SLC35F1: variants seen among roughly 807,000 people sequenced by gnomAD.
The protein encoded by SLC35F1 is chromosome 6 open reading frame 169.
In SLC35F1, 14 loss-of-function variants were observed where a neutral mutation model predicts 48.7. The observed-to-expected ratio is 0.29, with a 90% CI of 0.19 to 0.45. The LOEUF (loss-of-function observed/expected upper bound fraction) is 0.45, where lower values mean the gene tolerates loss of function less well. Ranked by LOEUF, SLC35F1 falls within the 20% of genes least tolerant of loss-of-function variation. SLC35F1 has a pLI of 1.00. For missense variants in SLC35F1, 404 were observed against 500.0 expected (o/e 0.81, Z 1.83); for synonymous variants, 190 against 202.2 (o/e 0.94, Z 0.51).
intron 1 of SLC35F1, among the ~76,000 whole-genome samples, chr6:118,120,953 ACT>A (rs967337716): frequency 6.6e-5 from 10 of 151,954 alleles, no homozygotes; most frequent in African/African-American, 2.4e-4. Context: ...TGTCCTTTAA[ACT>A]CTCTTTTTAG....
chr6:118,311,139 C>T (rs1776367237), intron 7 of SLC35F1, among the ~76,000 whole-genome samples: 1 of 152,206 alleles, frequency 6.6e-6, no homozygotes, highest in African/African-American at 2.4e-5. Context: ...TTCATTGTCT[C>T]TTCCAATTCA....
chr6:118,179,033 G>A (rs1373916881), intron 2 of SLC35F1, among the ~76,000 whole-genome samples: 2 of 152,092 alleles, frequency 1.3e-5, no homozygotes, highest in Non-Finnish European at 2.9e-5. Flanking sequence ...TTTCCCCTGA[G>A]TTAAATCTAT....
chr6:118,194,107 GAAGATCCAATAGTTGTT>G (rs139749642), intron 2 of SLC35F1, among the ~76,000 whole-genome samples: 4,147 of 152,146 alleles, frequency 0.027, 69 homozygotes, highest in Middle Eastern at 0.037. Flanking sequence ...ACAGACAGAA[GAAGATCCAATAGTTGTT>G]AAGATTTTTC....
intron 2 of SLC35F1, among the ~76,000 whole-genome samples, chr6:118,226,485 T>TACACACACACAC (rs1233953929): frequency 1.3e-3 from 198 of 150,854 alleles, no homozygotes; most frequent in African/African-American, 4.0e-3. Flanking sequence ...GATGAATGGA[T>TACACACACACAC]ACACACACAC....
At chr6:118,272,727 A>ATT (rs1379034825) in intron 4 of SLC35F1, among the ~76,000 whole-genome samples, 1 of 97,598 alleles carries the variant, frequency 1.0e-5, no homozygotes, top group African/African-American at 4.0e-5. Flanking sequence ...TAAAAAATAT[A>ATT]TATGTGTGTG....
chr6:118,235,983 G>A (rs559427807), intron 3 of SLC35F1, among the ~76,000 whole-genome samples: 18 of 152,044 alleles, frequency 1.2e-4, no homozygotes, highest in Admixed American at 2.6e-4. Flanking sequence ...TCTTATGTTA[G>A]CAGGAGAATT....
intron 1 of SLC35F1, among the ~76,000 whole-genome samples, chr6:117,930,797 G>T (rs891318554): frequency 1.3e-5 from 2 of 152,142 alleles, no homozygotes; most frequent in African/African-American, 2.4e-5. Flanking sequence ...TTCTGTTGCA[G>T]TGGGCACTTA....
rs1280744500 is a variant in SLC35F1, at chr6:117,907,674, C to T, written c.-53C>T. ...CGCGTTCCCGGGCCCGGAACCGGCACACGATGCACCCGGCTGCGTTCTGAT... is the reference window on the plus strand; with the variant it reads ...CGCGTTCCCGGGCCCGGAACCGGCATACGATGCACCCGGCTGCGTTCTGAT... On this transcript the variant is annotated 5_prime_UTR_variant, in exon 1 of 8. Coordinates refer to ENST00000360388, the MANE Select transcript of SLC35F1 (RefSeq NM_001029858.4). The T allele has an allele frequency of 8.5e-6, 10 of 1,176,956 alleles. No individual in the cohort carries two copies. The highest frequency in any genetic ancestry group is 1.2e-5 in the Non-Finnish European group (10 of 860,558). The allele number at this position is 1,176,956 out of a possible 1,614,324, so 72.9% of individuals were successfully genotyped here.
chr6:117,965,790 A>T (rs772173028), intron 1 of SLC35F1, among the ~76,000 whole-genome samples: 103 of 152,056 alleles, frequency 6.8e-4, no homozygotes, highest in Non-Finnish European at 1.8e-4. Flanking sequence ...GACTTGGAGA[A>T]CCTTTCTGTC....
chr6:117,933,298 C>T (rs78342174), intron 1 of SLC35F1, among the ~76,000 whole-genome samples: 3,608 of 152,242 alleles, frequency 0.024, 48 homozygotes, highest in Non-Finnish European at 0.038. Context: ...TTTGCTGCCT[C>T]CTGACAAAAG....
chr6:117,913,950 C>T (rs967151432), intron 1 of SLC35F1, among the ~76,000 whole-genome samples: 3 of 152,026 alleles, frequency 2.0e-5, no homozygotes, highest in African/African-American at 7.2e-5. Context: ...ACTCAGGAGG[C>T]TGAGGCACGA....
At chr6:117,923,217 A>G (rs994718870) in intron 1 of SLC35F1, among the ~76,000 whole-genome samples, 2 of 152,126 alleles carry the variant, frequency 1.3e-5, no homozygotes, top group Admixed American at 6.5e-5. Flanking sequence ...TTTCTAAAGC[A>G]TATGTATAGT....
At chr6:118,234,434 C>T (rs1775335646) in intron 2 of SLC35F1, among the ~76,000 whole-genome samples, 1 of 152,092 alleles carries the variant, frequency 6.6e-6, no homozygotes, top group African/African-American at 2.4e-5. Flanking sequence ...TACAAAGGTC[C>T]TTGGGGTAAG....
chr6:118,289,797 G>A (rs1776097042), intron 7 of SLC35F1, among the ~76,000 whole-genome samples: 1 of 152,134 alleles, frequency 6.6e-6, no homozygotes, highest in Non-Finnish European at 1.5e-5. Flanking sequence ...ATTGGGAGCA[G>A]GTTTTTTAAA....
At chr6:118,276,569 G>GATTTATTTGGGGAA (rs1434539679) in intron 5 of SLC35F1, among the ~76,000 whole-genome samples, 8 of 152,286 alleles carry the variant, frequency 5.3e-5, no homozygotes, top group African/African-American at 1.7e-4. Flanking sequence ...GTCTGAGAAG[G>GATTTATTTGGGGAA]ATTTATTTGG....
At chr6:117,998,286 T>A (rs1247859927) in intron 1 of SLC35F1, among the ~76,000 whole-genome samples, 1 of 144,944 alleles carries the variant, frequency 6.9e-6, no homozygotes, top group African/African-American at 2.6e-5. Context: ...AAGTCCTGAG[T>A]GACCTACAAA....
chr6:118,151,466 T>C (rs1176698884), intron 1 of SLC35F1, among the ~76,000 whole-genome samples: 1 of 152,126 alleles, frequency 6.6e-6, no homozygotes, highest in Non-Finnish European at 1.5e-5. Context: ...CAGCTCCTTA[T>C]CATTATTTTT....
chr6:118,039,656 A>T (rs560473933), intron 1 of SLC35F1, among the ~76,000 whole-genome samples: 2 of 151,676 alleles, frequency 1.3e-5, no homozygotes, highest in South Asian at 4.2e-4. Context: ...AATTGCATGC[A>T]TTGTATTTTT....
At chr6:117,927,005 G>A (rs552472929) in intron 1 of SLC35F1, among the ~76,000 whole-genome samples, 1 of 152,254 alleles carries the variant, frequency 6.6e-6, no homozygotes, top group South Asian at 2.1e-4. Context: ...TTTGATGCTG[G>A]TCAATGTTTG....
Sources: allele counts gnomAD v4.1 joint callset (sites outside exome capture counted in the v4.1 genomes callset), GRCh38; gene constraint gnomAD v4.1.1; transcripts MANE v1.5; gene names NCBI Gene and HGNC (gene_info 2026-07-23, HGNC 2026-07-21).